The following RNF38 variants were observed in gnomAD, a reference collection of about 807,000 sequenced individuals.
The protein encoded by RNF38 is E3 ubiquitin-protein ligase RNF38.
RNF38 carries 15 observed loss-of-function variants against 67.2 expected under a neutral mutation model. The observed-to-expected ratio is 0.22, with a 90% CI of 0.15 to 0.34. The LOEUF is 0.34. RNF38 is among the 10% of genes least tolerant of loss of function. The probability of loss-of-function intolerance (pLI) is 1.00; values close to 1 mark genes in which losing one functional copy is unlikely to be tolerated. For synonymous variants in RNF38, 220 were observed against 218.8 expected (o/e 1.01, Z -0.05); for missense variants, 524 against 639.9 (o/e 0.82, Z 1.95).
chr9:36,455,217 G>A (rs1321051180), intron 1 of RNF38, among the ~76,000 whole-genome samples: 2 of 151,882 alleles, frequency 1.3e-5, no homozygotes, highest in African/African-American at 4.8e-5. Context: ...GGACCACCAT[G>A]TCCAGCTAAT....
intron 1 of RNF38, among the ~76,000 whole-genome samples, chr9:36,452,439 T>TA (rs1218308734): frequency 6.6e-6 from 1 of 152,174 alleles, no homozygotes; most frequent in Non-Finnish European, 1.5e-5. Context: ...TTTACATAAA[T>TA]AGACGCATAC....
At chr9:36,364,733 T>C (rs972140961) in intron 4 of RNF38, among the ~76,000 whole-genome samples, 6 of 152,254 alleles carry the variant, frequency 3.9e-5, no homozygotes, top group Non-Finnish European at 7.3e-5. Flanking sequence ...CTAATTACAA[T>C]GTGCATTAGA....
At chr9:36,441,517 G>A (rs1005403000) in intron 1 of RNF38, among the ~76,000 whole-genome samples, 2 of 152,024 alleles carry the variant, frequency 1.3e-5, no homozygotes, top group African/African-American at 4.8e-5. Context: ...GTAGAGCGGG[G>A]TTTCACCACA....
chr9:36,339,990 T>C (rs1832722935), intron 11 of RNF38, among the ~76,000 whole-genome samples, 176 bp from the exon 12 acceptor site: 1 of 152,208 alleles, frequency 6.6e-6, no homozygotes, highest in South Asian at 2.1e-4. Context: ...CCAGGAATTT[T>C]TTTTTTGAGA....
intron 7 of RNF38, 46 bp downstream of exon 7, chr9:36,353,124 A>AATTAACAT (rs769900525): frequency 5.4e-6 from 8 of 1,494,168 alleles, no homozygotes; most frequent in Non-Finnish European, 7.5e-6. Flanking sequence ...CAGAACAAGT[A>AATTAACAT]AGTTGCCAAA....
chr9:36,466,422 C>T (rs1348131347), intron 1 of RNF38, among the ~76,000 whole-genome samples: 1 of 152,166 alleles, frequency 6.6e-6, no homozygotes, highest in Non-Finnish European at 1.5e-5. Context: ...TTCGATAAAG[C>T]TGTTAAGAAT....
rs532041487 is a variant in RNF38 at position 36,472,663 on chromosome 9, T to C, written n.241+14645A>G. ...CCACCAATACCTATTAAGCCCACAA[T>C]ACAGATGAGATACTGAACTACCAAG... On this transcript the variant is annotated intron_variant and non_coding_transcript_variant, in intron 1 of 3. Transcript: ENST00000488058. Among the ~76,000 whole-genome samples, 12 of 152,302 alleles carry C rather than the reference T, an allele frequency of 7.9e-5. No individual in the cohort carries two copies. In the South Asian group the frequency reaches 2.3e-3, roughly 29 times the overall value.
chr9:36,405,567 TG>T (rs1434390399), upstream of RNF38, among the ~76,000 whole-genome samples: 1 of 152,264 alleles, frequency 6.6e-6, no homozygotes, highest in Non-Finnish European at 1.5e-5. Flanking sequence ...CAGGGAGTAC[TG>T]GCTTGCTTTC....
Position 36,373,658 on chromosome 9 carries a change from C to T in RNF38, c.356+2276G>A, listed in dbSNP as rs186997072. ...TCCCCCAGGCTGGAGTGCAGTGGCG[C>T]GATCTCAGGTTTTGCCATTTTGCCC... On this transcript the variant is annotated intron_variant, in intron 3 of 11. Coordinates refer to ENST00000259605, the MANE Select transcript of RNF38 (RefSeq NM_022781.5). Among the ~76,000 whole-genome samples, 52 of 149,656 alleles carry T rather than the reference C, an allele frequency of 3.5e-4. No homozygotes were observed. In the East Asian group the frequency reaches 6.3e-3, roughly 18 times the overall value.
intron 1 of RNF38, among the ~76,000 whole-genome samples, chr9:36,465,962 G>A (rs1487180669): frequency 6.6e-6 from 1 of 152,160 alleles, no homozygotes; most frequent in African/African-American, 2.4e-5. Flanking sequence ...TGAGGCAGGA[G>A]AATGGTGTGA....
intron 1 of RNF38, among the ~76,000 whole-genome samples, chr9:36,398,271 G>C (rs962490273): frequency 6.6e-6 from 1 of 152,094 alleles, no homozygotes; most frequent in Non-Finnish European, 1.5e-5. Context: ...CCTTAACAAA[G>C]GGAAAGATCT....
At chr9:36,357,010 T>A (rs1834174618) in intron 5 of RNF38, among the ~76,000 whole-genome samples, 1 of 152,240 alleles carries the variant, frequency 6.6e-6, no homozygotes, top group Non-Finnish European at 1.5e-5. Flanking sequence ...AGTATTGGTA[T>A]AAGTGTGCAC....
At chr9:36,343,454 T>A (rs952135441) in intron 10 of RNF38, among the ~76,000 whole-genome samples, 3 of 152,104 alleles carry the variant, frequency 2.0e-5, no homozygotes, top group African/African-American at 7.2e-5. Flanking sequence ...AGGATCAGAA[T>A]AGACATTTCT....
upstream of RNF38, among the ~76,000 whole-genome samples, chr9:36,402,576 GAA>G (rs1838078064): frequency 6.6e-6 from 1 of 151,966 alleles, no homozygotes; most frequent in South Asian, 2.1e-4. Context: ...AGGACTATGT[GAA>G]GAGAGGGGAA....
exon 1 of RNF38, chr9:36,487,382 A>G: frequency 2.0e-6 from 2 of 983,174 alleles, no homozygotes; most frequent in Non-Finnish European, 1.2e-6. Context: ...CGGAGGGCTG[A>G]GGCGGTCCGT....
At chr9:36,354,762 T>G (rs1046123463) in intron 6 of RNF38, among the ~76,000 whole-genome samples, 1 of 152,268 alleles carries the variant, frequency 6.6e-6, no homozygotes, top group Non-Finnish European at 1.5e-5. Context: ...TGTTTTCAAC[T>G]GAATTCTCTT....
At chr9:36,387,213 ACTTT>A (rs1755926759) in intron 2 of RNF38, among the ~76,000 whole-genome samples, 1 of 152,182 alleles carries the variant, frequency 6.6e-6, no homozygotes, top group South Asian at 2.1e-4. Context: ...GCTCTCCTTT[ACTTT>A]CTTAATAAAC....
At chr9:36,348,600 C>T (rs1370299079) in intron 9 of RNF38, among the ~76,000 whole-genome samples, 3 of 152,202 alleles carry the variant, frequency 2.0e-5, no homozygotes, top group Non-Finnish European at 4.4e-5. Context: ...AAAATCCAAC[C>T]AGCCACAACA....
At chr9:36,420,642 G>A (rs1838600761) in intron 2 of RNF38, among the ~76,000 whole-genome samples, 1 of 150,396 alleles carries the variant, frequency 6.6e-6, no homozygotes, top group South Asian at 2.1e-4. Flanking sequence ...TTATTGTCTT[G>A]CCTTTCCCCA....
Sources: gnomAD v4.1 joint callset for allele counts (sites outside exome capture counted in the v4.1 genomes callset) on GRCh38, gnomAD v4.1.1 for gene constraint, MANE v1.5 for transcripts, NCBI Gene and HGNC (gene_info 2026-07-23, HGNC 2026-07-21) for gene names.